The following HSD17B12 variants were observed in gnomAD, a reference collection of about 807,000 sequenced individuals.
HSD17B12 encodes the protein very-long-chain 3-oxoacyl-CoA reductase.
HSD17B12 carries 32 observed loss-of-function variants against 39.3 expected under a neutral mutation model. The ratio of observed to expected loss-of-function variants is 0.81; its 90% confidence interval spans 0.61 to 1.09. The LOEUF (loss-of-function observed/expected upper bound fraction) is 1.09, where lower values mean the gene tolerates loss of function less well. Among genes scored for constraint, HSD17B12 ranks in the 50% least tolerant of loss-of-function variants. HSD17B12 has a pLI of 0.00. For synonymous variants in HSD17B12, 150 were observed against 146.7 expected (o/e 1.02, Z -0.16); for missense variants, 342 against 382.9 (o/e 0.89, Z 0.89).
chr11:43,743,283 G>C (rs968097407), intron 1 of HSD17B12, among the ~76,000 whole-genome samples: 1 of 152,170 alleles, frequency 6.6e-6, no homozygotes. Context: ...TCTTGGAAAT[G>C]TTCTCTAAAG....
At chr11:43,784,752 CTA>C (rs1565088387) in intron 3 of HSD17B12, among the ~76,000 whole-genome samples, 1 of 152,156 alleles carries the variant, frequency 6.6e-6, no homozygotes, top group Non-Finnish European at 1.5e-5. Context: ...TAGCTGGAAA[CTA>C]TTTTTCTAAA....
intron 3 of HSD17B12, among the ~76,000 whole-genome samples, chr11:43,760,674 C>G (rs956178918): frequency 5.9e-5 from 9 of 152,166 alleles, no homozygotes. Flanking sequence ...GTTTGTTCCA[C>G]AATTTTCTGA....
At chr11:43,626,826 A>C in the HSD17B12 span, among the ~76,000 whole-genome samples, 2 of 152,034 alleles carry the variant, frequency 1.3e-5, no homozygotes, top group Non-Finnish European at 2.9e-5. Flanking sequence ...GGTTTAAAAA[A>C]GATATTACAC....
At chr11:43,589,250 C>T in the HSD17B12 span, among the ~76,000 whole-genome samples, 1 of 152,132 alleles carries the variant, frequency 6.6e-6, no homozygotes, top group Admixed American at 6.6e-5. Flanking sequence ...CTTTTTGTCT[C>T]CTCCTAAAAC....
At chr11:43,740,418 C>T (rs1159232842) in intron 1 of HSD17B12, among the ~76,000 whole-genome samples, 1 of 152,066 alleles carries the variant, frequency 6.6e-6, no homozygotes, top group Non-Finnish European at 1.5e-5. Flanking sequence ...ATCATAGTTG[C>T]TTTAATAAGA....
the HSD17B12 span, among the ~76,000 whole-genome samples, chr11:43,663,834 G>A: frequency 6.6e-6 from 1 of 151,888 alleles, no homozygotes; most frequent in East Asian, 1.9e-4. Context: ...ACAGGTAAGG[G>A]TTTTTATTTT....
chr11:43,756,813 G>C (rs1449675595), intron 3 of HSD17B12, among the ~76,000 whole-genome samples: 1 of 152,176 alleles, frequency 6.6e-6, no homozygotes, highest in Admixed American at 6.5e-5. Flanking sequence ...TGAGAATTTG[G>C]TTAACTCATG....
At chr11:43,595,471 G>A in the HSD17B12 span, among the ~76,000 whole-genome samples, 1 of 152,204 alleles carries the variant, frequency 6.6e-6, no homozygotes, top group African/African-American at 2.4e-5. Flanking sequence ...ATGCAACACT[G>A]TTGATTTATT....
chr11:43,792,351 C>T (rs986772983), intron 3 of HSD17B12, among the ~76,000 whole-genome samples: 7 of 151,940 alleles, frequency 4.6e-5, no homozygotes, highest in African/African-American at 1.2e-4. Context: ...AAAAAACGTG[C>T]GAGACATTTT....
At chr11:43,666,162 C>G in the HSD17B12 span, among the ~76,000 whole-genome samples, 2 of 152,048 alleles carry the variant, frequency 1.3e-5, no homozygotes, top group Non-Finnish European at 2.9e-5. Context: ...GCATGCTAGT[C>G]CCTCCATTTT....
At chr11:43,590,567 C>T in the HSD17B12 span, among the ~76,000 whole-genome samples, 20 of 114,252 alleles carry the variant, frequency 1.8e-4, no homozygotes, top group South Asian at 5.4e-3. Context: ...CGGAGAGCTG[C>T]GATCTTGGGT....
At chr11:43,717,163 CT>C (rs1950131558) in intron 1 of HSD17B12, among the ~76,000 whole-genome samples, 1 of 152,104 alleles carries the variant, frequency 6.6e-6, no homozygotes, top group Admixed American at 6.6e-5. Context: ...AAGAAATCAT[CT>C]TACTTATTAA....
intron 1 of HSD17B12, among the ~76,000 whole-genome samples, chr11:43,709,579 AT>A (rs1950046540): frequency 6.6e-6 from 1 of 152,226 alleles, no homozygotes; most frequent in Non-Finnish European, 1.5e-5. Context: ...TTTTTGACAC[AT>A]TAGGCAAGTG....
At chr11:43,712,128 A>G (rs1950072612) in intron 1 of HSD17B12, among the ~76,000 whole-genome samples, 3 of 152,286 alleles carry the variant, frequency 2.0e-5, no homozygotes, top group African/African-American at 4.8e-5. Context: ...CTTTGTCTGT[A>G]TAATAAAACC....
chr11:43,772,849 C>T (rs981275264), intron 3 of HSD17B12, among the ~76,000 whole-genome samples: 1 of 151,974 alleles, frequency 6.6e-6, no homozygotes, highest in Non-Finnish European at 1.5e-5. Context: ...GGTGGCTCAC[C>T]CCTGTAGTCT....
chr11:43,726,779 G>A (rs1431124689), intron 1 of HSD17B12, among the ~76,000 whole-genome samples: 1 of 152,146 alleles, frequency 6.6e-6, no homozygotes, highest in Non-Finnish European at 1.5e-5. Context: ...ATTTCTGTCT[G>A]TATTCATGTA....
intron 1 of HSD17B12, among the ~76,000 whole-genome samples, chr11:43,739,737 T>C (rs1385648466): frequency 6.6e-6 from 1 of 152,178 alleles, no homozygotes; most frequent in Non-Finnish European, 1.5e-5. Context: ...ATTAAAACCA[T>C]AGCAGAGTGT....
At chr11:43,681,670 A>ATTT (rs67174721) in intron 1 of HSD17B12, among the ~76,000 whole-genome samples, 1 of 147,384 alleles carries the variant, frequency 6.8e-6, no homozygotes, top group Non-Finnish European at 1.5e-5. Flanking sequence ...TTAAAATCAG[A>ATTT]TTTTTTTTTT....
intron 9 of HSD17B12, chr11:43,852,795 A>C (rs560202195): frequency 6.6e-6 from 1 of 152,334 alleles, no homozygotes; most frequent in Middle Eastern, 3.4e-3. Flanking sequence ...GATAATCCCA[A>C]TAAACAAATT....
Sources: gnomAD v4.1 joint callset for allele counts (sites outside exome capture counted in the v4.1 genomes callset) on GRCh38, gnomAD v4.1.1 for gene constraint, MANE v1.5 for transcripts, NCBI Gene and HGNC (gene_info 2026-07-23, HGNC 2026-07-21) for gene names.